The following SLC2A13 variants were observed in gnomAD, a reference collection of about 807,000 sequenced individuals.
SLC2A13 encodes solute carrier family 2 member 13.
SLC2A13 carries 32 observed loss-of-function variants against 64.4 expected under a neutral mutation model. The ratio of observed to expected loss-of-function variants is 0.50; its 90% CI spans 0.37 to 0.67. The LOEUF is 0.67. Among genes scored for constraint, SLC2A13 ranks in the 30% least tolerant of loss-of-function variants. The pLI is 0.00. For synonymous variants in SLC2A13, 338 were observed against 327.1 expected (o/e 1.03, Z -0.36); for missense variants, 743 against 829.2 (o/e 0.90, Z 1.28).
intron 3 of SLC2A13, among the ~76,000 whole-genome samples, chr12:40,027,502 CAGCTCCACCAAAAATGGT>C (rs141530663): frequency 3.9e-5 from 6 of 152,328 alleles, no homozygotes; most frequent in Non-Finnish European, 8.8e-5. Flanking sequence ...CAACAATGGT[CAGCTCCACCAAAAATGGT>C]AGGAGAAAGT....
chr12:39,901,705 A>AG (rs562712494), intron 4 of SLC2A13, among the ~76,000 whole-genome samples: 1,783 of 133,422 alleles, frequency 0.013, 9 homozygotes, highest in Non-Finnish European at 0.023. Flanking sequence ...GGTGCTGGAG[A>AG]GGATGTGGAG....
intron 7 of SLC2A13, among the ~76,000 whole-genome samples, chr12:39,810,692 G>A (rs535566286): frequency 4.5e-4 from 68 of 152,124 alleles, no homozygotes; most frequent in African/African-American, 1.4e-3. Flanking sequence ...AATGGATTAG[G>A]AATTTAATCA....
chr12:39,813,475 C>T (rs933543248), intron 7 of SLC2A13, among the ~76,000 whole-genome samples: 1 of 152,066 alleles, frequency 6.6e-6, no homozygotes, highest in African/African-American at 2.4e-5. Flanking sequence ...ATTTCAGATA[C>T]CATATTTCAT....
At chr12:39,869,645 C>T (rs1423107094) in intron 5 of SLC2A13, among the ~76,000 whole-genome samples, 4 of 152,076 alleles carry the variant, frequency 2.6e-5, no homozygotes, top group African/African-American at 9.7e-5. Flanking sequence ...CCTGGTGTTT[C>T]CCGAGGAATT....
At chr12:39,941,824 T>C (rs1051420497) in intron 4 of SLC2A13, among the ~76,000 whole-genome samples, 21 of 152,208 alleles carry the variant, frequency 1.4e-4, no homozygotes, top group Non-Finnish European at 1.6e-4. Flanking sequence ...TGTTATCTTC[T>C]AGAATTTTTA....
At chr12:40,042,122 C>T (rs1291263152) in intron 2 of SLC2A13, among the ~76,000 whole-genome samples, 2 of 152,146 alleles carry the variant, frequency 1.3e-5, no homozygotes, top group African/African-American at 2.4e-5. Context: ...TTTTGTATTT[C>T]TCATTCAATA....
intron 7 of SLC2A13, among the ~76,000 whole-genome samples, chr12:39,790,995 T>C (rs1372002959): frequency 1.4e-5 from 1 of 71,714 alleles, no homozygotes; most frequent in Non-Finnish European, 2.8e-5. Context: ...TCTTCATGTG[T>C]TTTTTGGCTG....
chr12:39,925,030 ATTTTTTTTT>A (rs58902176), intron 4 of SLC2A13, among the ~76,000 whole-genome samples: 8 of 119,130 alleles, frequency 6.7e-5, no homozygotes, highest in African/African-American at 2.4e-4. Flanking sequence ...CATACAGATA[ATTTTTTTTT>A]TTTTTTTTTT....
chr12:39,966,237 T>C (rs560101277), intron 3 of SLC2A13, among the ~76,000 whole-genome samples: 7 of 151,984 alleles, frequency 4.6e-5, no homozygotes, highest in Admixed American at 2.0e-4. Flanking sequence ...GGTTTTGTAG[T>C]TACAATGATC....
chr12:39,826,056 CTGAT>C (rs1942664480), intron 7 of SLC2A13, among the ~76,000 whole-genome samples: 1 of 151,958 alleles, frequency 6.6e-6, no homozygotes, highest in African/African-American at 2.4e-5. Context: ...CTGGATGATA[CTGAT>C]TATTTGGATT....
rs370804027 is a variant in SLC2A13, at chr12:39,755,805, T to C, written c.*4221A>G. ...CAACAGACTATATATTTTGTACATA[T>C]AAAGATTTACATAAATTATATTGTT... On this transcript the variant is annotated 3_prime_UTR_variant, in exon 10 of 10. Coordinates refer to ENST00000280871, the MANE Select transcript of SLC2A13 (RefSeq NM_052885.4). 1.3e-5 allele frequency: 2 copies of C among 152,164 alleles called. No individual in the cohort carries two copies. The allele number at this position is 152,164 out of a possible 1,614,324, so 9.4% of individuals were successfully genotyped here.
chr12:39,836,397 C>G (rs1043364703), intron 6 of SLC2A13, among the ~76,000 whole-genome samples: 1 of 152,096 alleles, frequency 6.6e-6, no homozygotes, highest in Admixed American at 6.6e-5. Flanking sequence ...CAATCTCTAG[C>G]CTTTCTTTTC....
chr12:39,860,291 G>T (rs1395772855), intron 6 of SLC2A13, among the ~76,000 whole-genome samples: 3 of 152,290 alleles, frequency 2.0e-5, no homozygotes, highest in Admixed American at 2.0e-4. Context: ...AGCATGAATA[G>T]CTTATGATTC....
intron 4 of SLC2A13, among the ~76,000 whole-genome samples, chr12:39,923,532 CAG>C (rs1266359356): frequency 1.3e-5 from 2 of 151,894 alleles, no homozygotes; most frequent in Non-Finnish European, 1.5e-5. Flanking sequence ...TTAATGTGTA[CAG>C]AGTTTCTGTT....
intron 1 of SLC2A13, among the ~76,000 whole-genome samples, chr12:40,103,642 T>C (rs1489778519): frequency 6.6e-6 from 1 of 152,186 alleles, no homozygotes; most frequent in African/African-American, 2.4e-5. Context: ...CAAAGCATGA[T>C]TCAATTTCAA....
intron 4 of SLC2A13, among the ~76,000 whole-genome samples, chr12:39,891,663 C>A (rs1474581642): frequency 6.6e-6 from 1 of 152,064 alleles, no homozygotes; most frequent in Non-Finnish European, 1.5e-5. Context: ...GTATGTATTA[C>A]TATTGCAATT....
At chr12:39,988,528 AAG>A (rs1459480586) in intron 3 of SLC2A13, among the ~76,000 whole-genome samples, 1 of 150,916 alleles carries the variant, frequency 6.6e-6, no homozygotes, top group African/African-American at 2.4e-5. Context: ...GAAAGAAAGA[AAG>A]AAGAAAGAAA....
intron 7 of SLC2A13, among the ~76,000 whole-genome samples, chr12:39,777,359 A>T (rs1940812827): frequency 6.6e-6 from 1 of 152,130 alleles, no homozygotes; most frequent in Admixed American, 6.5e-5. Flanking sequence ...ATTTAGATGA[A>T]GGTCATCAAA....
Position 40,048,089 on chromosome 12 carries a change from A to T in SLC2A13, c.678T>A (p.Val226=). 6.2e-7 allele frequency: 1 copy of T among 1,613,244 alleles called. No individual in the cohort carries two copies. The highest frequency in any genetic ancestry group is 8.5e-7 in the Non-Finnish European group (1 of 1,179,660). The change falls in exon 2 of 10, where the codon GTT becomes GTA. Residue 226 remains valine (V), a synonymous_variant. Transcript: ENST00000280871. ...TCTGGAGATAACTGAAGGCTCCATCAACAACACTTGCAAAGAACTGCCCTC... is the reference window on the plus strand; with the variant it reads ...TCTGGAGATAACTGAAGGCTCCATCTACAACACTTGCAAAGAACTGCCCTC... ...ITGGQFFASV[V]DGAFSYLQKD... is the part of the protein sequence containing the mutation.
Sources: allele counts gnomAD v4.1 joint callset (sites outside exome capture counted in the v4.1 genomes callset), GRCh38; gene constraint gnomAD v4.1.1; transcripts MANE v1.5; gene names NCBI Gene and HGNC (gene_info 2026-07-23, HGNC 2026-07-21).